CREG1: variants seen among roughly 807,000 people sequenced by gnomAD.
CREG1 encodes the protein protein CREG1.
CREG1 carries 20 observed loss-of-function variants against 19.9 expected under a neutral mutation model. That is an observed-to-expected ratio of 1.01 (90% confidence interval 0.71 to 1.46). The LOEUF (loss-of-function observed/expected upper bound fraction) is 1.46, where lower values mean the gene tolerates loss of function less well. Among genes scored for constraint, CREG1 ranks in the 40% most tolerant of loss-of-function variants. The pLI, the probability that CREG1 is intolerant of heterozygous loss-of-function variation, is 0.00. For missense variants in CREG1, 290 were observed against 314.9 expected (o/e 0.92, Z 0.60); for synonymous variants, 141 against 143.3 (o/e 0.98, Z 0.12).
In CREG1 at chr1:167,546,199, C is replaced by T. The variant is rs753468121; in HGVS notation, c.561G>A (p.Trp187Ter). Residue 187 changes from tryptophan to a stop codon, truncating the protein, a stop_gained, in exon 3 of 4, where the codon TGG becomes TGA. Coordinates refer to ENST00000370509, the MANE Select transcript of CREG1 (RefSeq NM_003851.3). LOFTEE classifies it high-confidence loss of function. ...EMKTWPSSHN[W>*]FFAKLNITNI... ...TGGTTATATTCAACTTAGCAAAGAA[C>T]CAATTATGGCTGGAAGGCCAGGTTT... The T allele has an allele frequency of 1.7e-5, 27 of 1,613,210 alleles. No homozygotes were observed. The highest frequency in any genetic ancestry group is 1.9e-5 in the Non-Finnish European group (23 of 1,179,772).
In CREG1 at chr1:167,553,557, A is replaced by G; in HGVS notation, c.185T>C (p.Val62Ala). The G allele has an allele frequency of 1.4e-6, 2 of 1,467,664 alleles. No homozygotes were observed. Among genetic ancestry groups the G allele is most frequent in the Non-Finnish European group, 1.8e-6 (2 of 1,116,254 alleles). 90.9% of individuals were successfully genotyped at this position (1,467,664 alleles called of 1,614,324 possible). The stretch of plus-strand genomic sequence containing the variant: ...AGCGCCCCAGTCGGAGACGTGCGTC[A>G]CGAAGCGGGCCACGCGCGCCGCGTC... ...REDAARVARFVTHVSDWGALA... is the reference protein window; with the variant it reads ...REDAARVARFATHVSDWGALA... Residue 62 changes from valine (V) to alanine (A), a missense_variant, in exon 1 of 4, where the codon GTG (valine) becomes GCG (alanine). Coordinates refer to ENST00000370509, the MANE Select transcript of CREG1 (RefSeq NM_003851.3).
At chr1:167,547,458 T>A (rs924958931) in intron 2 of CREG1, among the ~76,000 whole-genome samples, 4 of 152,238 alleles carry the variant, frequency 2.6e-5, no homozygotes, top group Non-Finnish European at 4.4e-5. Flanking sequence ...TCATAGTTGT[T>A]ACATCTGCTT....
At chr1:167,547,654 C>T (rs1353843298) in intron 2 of CREG1, among the ~76,000 whole-genome samples, 1 of 152,188 alleles carries the variant, frequency 6.6e-6, no homozygotes, top group African/African-American at 2.4e-5. Flanking sequence ...GGCATAGTGG[C>T]TCACGCCTGT....
intron 2 of CREG1, among the ~76,000 whole-genome samples, 175 bp from the exon 3 acceptor site, chr1:167,546,460 G>A (rs1256687042): frequency 1.3e-5 from 2 of 151,990 alleles, no homozygotes; most frequent in African/African-American, 2.4e-5. Flanking sequence ...TGGCTAACAC[G>A]GTGAAACCCC....
intron 2 of CREG1, among the ~76,000 whole-genome samples, chr1:167,547,298 A>G (rs1408185870): frequency 6.6e-6 from 1 of 152,148 alleles, no homozygotes; most frequent in African/African-American, 2.4e-5. Context: ...CCTACTTAAT[A>G]TGTTTTCTCT....
chr1:167,553,503 AC>A lies in CREG1; in HGVS notation c.238del (p.Val80CysfsTer28). The A allele has an allele frequency of 6.7e-7, 1 of 1,490,556 alleles. No individual in the cohort carries two copies. Among genetic ancestry groups the A allele is most frequent in the Non-Finnish European group, 8.9e-7 (1 of 1,127,912 alleles). 92.3% of individuals were successfully genotyped at this position (1,490,556 alleles called of 1,614,324 possible). On this transcript the variant is annotated frameshift_variant, in exon 1 of 4. Coordinates refer to ENST00000370509, the MANE Select transcript of CREG1 (RefSeq NM_003851.3). LOFTEE classifies it high-confidence loss of function. ...GACGTCGGCGAAGGGCCGGCCGCGC[AC>A]CGCCTCCAGCGTGGAGATGGTGGCC... ...ALATISTLEA[V>X]RGRPFADVLS...
chr1:167,544,985 T>G (rs1487616557), intron 3 of CREG1, among the ~76,000 whole-genome samples: 1 of 152,204 alleles, frequency 6.6e-6, no homozygotes, highest in East Asian at 1.9e-4. Context: ...AAGACTCCAG[T>G]TACACTCTTC....
At chr1:167,544,116 T>G (rs778406037) in intron 3 of CREG1, among the ~76,000 whole-genome samples, 1 of 152,220 alleles carries the variant, frequency 6.6e-6, no homozygotes, top group African/African-American at 2.4e-5. Flanking sequence ...TATATTCCTA[T>G]GAAGTCAGAT....
rs764761435 is a variant in CREG1 at position 167,548,036 on chromosome 1, C to T, written c.440G>A (p.Cys147Tyr). Residue 147 changes from cysteine to tyrosine, a missense_variant, in exon 2 of 4, where the codon TGT becomes TAT. Transcript: ENST00000370509. ...AGTTCCTGACAGCATTATGTGAACA[C>T]AAAGGGGACTTTGTGGATCAAATCC... ...KHGFDPQSPL[C>Y]VHIMLSGTVT... The T allele has an allele frequency of 1.5e-5, 24 of 1,613,932 alleles. No individual in the cohort carries two copies. The South Asian group carries it at 2.4e-4, about 16-fold the overall frequency.
Position 167,543,708 on chromosome 1 carries a change from C to T in CREG1, c.660-1407G>A, listed in dbSNP as rs143687437. Among the ~76,000 whole-genome samples the T allele has an allele frequency of 2.8e-3, 430 of 152,330 alleles. 1 individual carries two copies. The highest frequency in any genetic ancestry group is 9.9e-3 in the African/African-American group (411 of 41,578). On this transcript the variant is annotated intron_variant, in intron 3 of 3. Transcript: ENST00000370509. ...TGGACAATTCCTAGCCAGAGGCACC[C>T]GGTCAGAGCGGGCAGCTTTCAGGCC...
intron 3 of CREG1, among the ~76,000 whole-genome samples, chr1:167,544,877 GTTC>G (rs1335874479): frequency 1.3e-5 from 2 of 152,146 alleles, no homozygotes; most frequent in African/African-American, 4.8e-5. Context: ...TATTGTTACT[GTTC>G]TTATCACCTC....
chr1:167,547,572 T>A (rs1226562991), intron 2 of CREG1, among the ~76,000 whole-genome samples: 1 of 152,196 alleles, frequency 6.6e-6, no homozygotes, highest in Non-Finnish European at 1.5e-5. Context: ...CCTATTAGAA[T>A]AGAACATGTT....
In CREG1 at chr1:167,553,558, C is replaced by G; in HGVS notation, c.184G>C (p.Val62Leu). ...REDAARVARF[V>L]THVSDWGALA... The stretch of plus-strand genomic sequence containing the variant: ...GCGCCCCAGTCGGAGACGTGCGTCA[C>G]GAAGCGGGCCACGCGCGCCGCGTCC... Residue 62 changes from valine to leucine, a missense_variant, in exon 1 of 4, where the codon GTG becomes CTG. Transcript: ENST00000370509. 6.8e-7 allele frequency: 1 copy of G among 1,465,324 alleles called. No individual in the cohort carries two copies. Among genetic ancestry groups the G allele is most frequent in the Non-Finnish European group, 9.0e-7 (1 of 1,115,108 alleles). The allele number at this position is 1,465,324 out of a possible 1,614,324, so 90.8% of individuals were successfully genotyped here.
chr1:167,553,454 C>T lies in CREG1; in HGVS notation c.288G>A (p.Pro96=), dbSNP rs1656458891. 1.3e-6 allele frequency: 2 copies of T among 1,481,708 alleles called. No individual in the cohort carries two copies. The highest frequency in any genetic ancestry group is 1.8e-6 in the Non-Finnish European group (2 of 1,123,264). 91.8% of individuals were successfully genotyped at this position (1,481,708 alleles called of 1,614,324 possible). ...AATAGGGCACGCCGCTGCCCGCGCC[C>T]GGGGGCCCGTCGCTGAGCGAGAGGA... ...ADVLSLSDGP[P]GAGSGVPYFY... is the part of the protein sequence containing the mutation. The change falls in exon 1 of 4, where the codon CCG becomes CCA. Residue 96 remains proline, a synonymous_variant. Coordinates refer to ENST00000370509, the MANE Select transcript of CREG1 (RefSeq NM_003851.3).
At position 167,553,376 on chromosome 1, in the gene CREG1, G is replaced by GC. The variant is rs1656456652; in HGVS notation, c.354+11dup. ...CACAGCCCGCCTGGGGAAGCCGCGG[G>GC]CCCCAGCTCACCTGCAGGTTGCTCA... On this transcript the variant is annotated intron_variant, in intron 1 of 3. Coordinates refer to ENST00000370509, the MANE Select transcript of CREG1 (RefSeq NM_003851.3). 7.3e-7 allele frequency: 1 copy of GC among 1,368,144 alleles called. No homozygotes were observed. The highest frequency in any genetic ancestry group is 9.4e-7 in the Non-Finnish European group (1 of 1,061,012). The allele number at this position is 1,368,144 out of a possible 1,614,324, so 84.8% of individuals were successfully genotyped here. A position where few individuals can be genotyped will look rare whatever the true frequency, so the allele number is the denominator to read the frequency against.
Position 167,546,172 on chromosome 1 carries a change from A to T in CREG1, c.588T>A (p.Asn196Lys). The T allele has an allele frequency of 3.1e-6, 5 of 1,613,598 alleles. No individual in the cohort carries two copies. The highest frequency in any genetic ancestry group is 4.2e-6 in the Non-Finnish European group (5 of 1,179,866). ...CACCAAAGTAGTCCAGGACCCAGATATTGGTTATATTCAACTTAGCAAAGA... is the reference window on the plus strand; with the variant it reads ...CACCAAAGTAGTCCAGGACCCAGATTTTGGTTATATTCAACTTAGCAAAGA... The part of the protein sequence containing the change: ...NWFFAKLNIT[N>K]IWVLDYFGGP... Residue 196 changes from asparagine to lysine, a missense_variant, in exon 3 of 4, where the codon AAT becomes AAA. Asn to Lys is a moderately conservative substitution (Grantham distance 94). Coordinates refer to ENST00000370509, the MANE Select transcript of CREG1 (RefSeq NM_003851.3).
At chr1:167,543,622 A>T (rs1216579518) in intron 3 of CREG1, among the ~76,000 whole-genome samples, 4 of 152,178 alleles carry the variant, frequency 2.6e-5, no homozygotes, top group Non-Finnish European at 5.9e-5. Flanking sequence ...CCGGACTATT[A>T]AACAGCTCTG....
chr1:167,542,903 A>C (rs996746049), intron 3 of CREG1, among the ~76,000 whole-genome samples: 1 of 152,236 alleles, frequency 6.6e-6, no homozygotes, highest in Non-Finnish European at 1.5e-5. Flanking sequence ...TAGCACAAAC[A>C]TGCTGCTGCC....
chr1:167,553,178 C>T lies in CREG1; in HGVS notation c.354+210G>A, dbSNP rs566238503. Reference sequence around the variant, plus strand: ...AGAGAATTTACCCCAGGTGCGTGGCCCAGTGGCGGAGGCTTGTGGGAAATT... The same window carrying T: ...AGAGAATTTACCCCAGGTGCGTGGCTCAGTGGCGGAGGCTTGTGGGAAATT... On this transcript the variant is annotated intron_variant, in intron 1 of 3. Coordinates refer to ENST00000370509, the MANE Select transcript of CREG1 (RefSeq NM_003851.3). 1.6e-3 allele frequency among the ~76,000 whole-genome samples: 251 copies of T among 152,290 alleles called. 1 individual carries two copies. Among genetic ancestry groups the T allele is most frequent in the African/African-American group, 5.8e-3 (241 of 41,556 alleles).
Sources: allele counts gnomAD v4.1 joint callset (sites outside exome capture counted in the v4.1 genomes callset), GRCh38; gene constraint gnomAD v4.1.1; transcripts MANE v1.5; gene names NCBI Gene and HGNC (gene_info 2026-07-23, HGNC 2026-07-21).